Variants in GALNT13 observed in about 807,000 individuals in gnomAD.
GALNT13 encodes polypeptide N-acetylgalactosaminyltransferase 13, also known as UDP-GalNAc:polypeptide N-acetylgalactosaminyltransferase 13.
In GALNT13, 28 loss-of-function variants were observed where a neutral mutation model predicts 64.2. The ratio of observed to expected loss-of-function variants is 0.44; its 90% CI spans 0.32 to 0.60. The LOEUF (loss-of-function observed/expected upper bound fraction) is 0.60, where lower values mean the gene tolerates loss of function less well. GALNT13 is among the 20% of genes least tolerant of loss of function. The pLI is 0.05. For synonymous variants in GALNT13, 214 were observed against 224.6 expected, an observed-to-expected ratio of 0.95 and a Z score of 0.42; for missense variants, 577 against 669.8, an observed-to-expected ratio of 0.86 and a Z score of 1.53.
intron 9 of GALNT13, among the ~76,000 whole-genome samples, chr2:154,344,859 T>C (rs913390755): frequency 6.6e-6 from 1 of 152,072 alleles, no homozygotes; most frequent in Middle Eastern, 3.4e-3. Context: ...AAGATTAATT[T>C]TGAGCTTTTA....
At chr2:154,340,600 T>A (rs1274409497) in intron 9 of GALNT13, among the ~76,000 whole-genome samples, 1 of 152,140 alleles carries the variant, frequency 6.6e-6, no homozygotes, top group Non-Finnish European at 1.5e-5. Flanking sequence ...TCTTCTTCCT[T>A]TTCTTCCATA....
At chr2:153,891,933 A>G (rs1482668580) in intron 1 of GALNT13, among the ~76,000 whole-genome samples, 1 of 151,994 alleles carries the variant, frequency 6.6e-6, no homozygotes, top group Non-Finnish European at 1.5e-5. Flanking sequence ...ATAGAAGTCC[A>G]TGATTGTTTC....
At chr2:153,852,186 A>G in the GALNT13 span, among the ~76,000 whole-genome samples, 3 of 152,202 alleles carry the variant, frequency 2.0e-5, no homozygotes, top group Admixed American at 6.5e-5. Context: ...ACCAATATCT[A>G]TAACTACATT....
the GALNT13 span, among the ~76,000 whole-genome samples, chr2:153,640,402 C>G: frequency 3.3e-5 from 5 of 152,086 alleles, no homozygotes; most frequent in African/African-American, 1.2e-4. Context: ...CAACTGAGCT[C>G]AAATGATCAC....
the GALNT13 span, among the ~76,000 whole-genome samples, chr2:153,456,115 G>A: frequency 6.6e-6 from 1 of 152,142 alleles, no homozygotes; most frequent in African/African-American, 2.4e-5. Flanking sequence ...ACACATGATG[G>A]GGCAGGGGGC....
At chr2:153,106,539 A>C in the GALNT13 span, among the ~76,000 whole-genome samples, 1 of 152,172 alleles carries the variant, frequency 6.6e-6, no homozygotes, top group Non-Finnish European at 1.5e-5. Flanking sequence ...CAGGAATAAA[A>C]ATGATGCAGT....
At chr2:153,134,814 G>A in the GALNT13 span, among the ~76,000 whole-genome samples, 1 of 152,074 alleles carries the variant, frequency 6.6e-6, no homozygotes, top group Non-Finnish European at 1.5e-5. Context: ...GCTAACAAAT[G>A]TGATCAGCTC....
At chr2:153,497,181 T>C in the GALNT13 span, among the ~76,000 whole-genome samples, 1 of 152,160 alleles carries the variant, frequency 6.6e-6, no homozygotes, top group African/African-American at 2.4e-5. Context: ...TATTTGACTG[T>C]GGAATTCTTT....
At chr2:153,714,420 C>T in the GALNT13 span, among the ~76,000 whole-genome samples, 1 of 152,114 alleles carries the variant, frequency 6.6e-6, no homozygotes, top group African/African-American at 2.4e-5. Flanking sequence ...CTTTTTCTCA[C>T]CTATTTTACT....
the GALNT13 span, among the ~76,000 whole-genome samples, chr2:153,484,439 A>G: frequency 6.6e-6 from 1 of 152,146 alleles, no homozygotes; most frequent in Non-Finnish European, 1.5e-5. Context: ...TTTCCTTATA[A>G]TGTTTCCTAT....
the GALNT13 span, among the ~76,000 whole-genome samples, chr2:153,259,135 G>A: frequency 2.0e-5 from 3 of 152,222 alleles, no homozygotes; most frequent in African/African-American, 4.8e-5. Flanking sequence ...ATTTAAAATT[G>A]TTATGTCCTC....
chr2:153,145,030 G>A, the GALNT13 span, among the ~76,000 whole-genome samples: 1 of 151,730 alleles, frequency 6.6e-6, no homozygotes, highest in Non-Finnish European at 1.5e-5. Context: ...TAAAACTAAT[G>A]TTTACTTTAT....
the GALNT13 span, among the ~76,000 whole-genome samples, chr2:153,315,769 A>C: frequency 6.6e-6 from 1 of 152,198 alleles, no homozygotes; most frequent in Admixed American, 6.5e-5. Flanking sequence ...GTAGTTGCTA[A>C]GATTGGTCAT....
At chr2:153,806,868 A>C in the GALNT13 span, among the ~76,000 whole-genome samples, 1 of 152,052 alleles carries the variant, frequency 6.6e-6, no homozygotes, top group Non-Finnish European at 1.5e-5. Flanking sequence ...AATTTTTAAA[A>C]GTTAGTCAAT....
At chr2:153,297,610 A>G in the GALNT13 span, among the ~76,000 whole-genome samples, 112 of 152,294 alleles carry the variant, frequency 7.4e-4, no homozygotes, top group South Asian at 1.2e-3. Context: ...ACATTTAGGC[A>G]CTAACTTTAT....
intron 3 of GALNT13, among the ~76,000 whole-genome samples, chr2:154,101,230 A>G (rs748974828): frequency 7.2e-5 from 11 of 152,044 alleles, no homozygotes; most frequent in Non-Finnish European, 1.5e-4. Flanking sequence ...AGACTGAGTT[A>G]GGAAGGAATG....
intron 3 of GALNT13, among the ~76,000 whole-genome samples, chr2:154,126,648 A>C (rs1407478111): frequency 3.3e-5 from 5 of 151,810 alleles, no homozygotes; most frequent in African/African-American, 7.2e-5. Flanking sequence ...AAAACAAAAA[A>C]AAAAAACAAA....
the GALNT13 span, among the ~76,000 whole-genome samples, chr2:153,090,700 G>C: frequency 6.6e-6 from 1 of 152,128 alleles, no homozygotes; most frequent in Non-Finnish European, 1.5e-5. Flanking sequence ...TCTGTATTTT[G>C]TGTTTGGCTC....
intron 3 of GALNT13, among the ~76,000 whole-genome samples, chr2:154,121,807 T>C (rs1681959548): frequency 6.6e-6 from 1 of 152,044 alleles, no homozygotes. Context: ...GTAATGACAA[T>C]TTTATTTCTT....
Sources: gnomAD v4.1 joint callset for allele counts (sites outside exome capture counted in the v4.1 genomes callset) on GRCh38, gnomAD v4.1.1 for gene constraint, MANE v1.5 for transcripts, NCBI Gene and HGNC (gene_info 2026-07-23, HGNC 2026-07-21) for gene names.